DOCK3: variants seen among roughly 807,000 people sequenced by gnomAD.
DOCK3 encodes dedicator of cytokinesis 3.
In DOCK3, 60 loss-of-function variants were observed where a neutral mutation model predicts 265.6. That is an observed-to-expected ratio of 0.23 (90% CI 0.18 to 0.28). The LOEUF is 0.28. Ranked by LOEUF, DOCK3 falls within the 10% of genes least tolerant of loss-of-function variation. DOCK3 has a pLI of 1.00. For synonymous variants in DOCK3, 881 were observed against 938.0 expected (o/e 0.94, Z 1.11); for missense variants, 1,981 against 2,594.3 (o/e 0.76, Z 5.14).
chr3:50,848,935 A>G lies in DOCK3; in HGVS notation c.162+7220A>G, dbSNP rs575310136. ...TCTTTCTTAGGAATGCCAGTAATTT[A>G]TAGATTTGTTTGCTTTACATAATCC... On this transcript the variant is annotated intron_variant, in intron 3 of 52. Coordinates refer to ENST00000266037, the MANE Select transcript of DOCK3 (RefSeq NM_004947.5). Among the ~76,000 whole-genome samples, 13 of 152,266 alleles carry G rather than the reference A, an allele frequency of 8.5e-5. No homozygotes were observed. The South Asian group carries it at 2.5e-3, about 29-fold the overall frequency.
At chr3:51,109,719 A>T (rs944545089) in intron 9 of DOCK3, among the ~76,000 whole-genome samples, 1 of 152,046 alleles carries the variant, frequency 6.6e-6, no homozygotes, top group Non-Finnish European at 1.5e-5. Context: ...GACCACTGGA[A>T]CCTGGGAATT....
chr3:51,342,097 T>A (rs910542771), intron 38 of DOCK3, among the ~76,000 whole-genome samples: 1 of 152,222 alleles, frequency 6.6e-6, no homozygotes, highest in African/African-American at 2.4e-5. Flanking sequence ...TGAAATAGGG[T>A]CATTCATGGA....
At chr3:51,010,407 T>A (rs1304694772) in intron 5 of DOCK3, among the ~76,000 whole-genome samples, 1 of 152,234 alleles carries the variant, frequency 6.6e-6, no homozygotes, top group Non-Finnish European at 1.5e-5. Context: ...TTTGTTGGTT[T>A]AAAGTCTGTT....
At chr3:51,108,124 C>T (rs184773244) in intron 9 of DOCK3, among the ~76,000 whole-genome samples, 97 of 151,902 alleles carry the variant, frequency 6.4e-4, no homozygotes, top group Non-Finnish European at 8.8e-4. Flanking sequence ...CTGCAACCTC[C>T]ACCTCCTGGG....
intron 1 of DOCK3, among the ~76,000 whole-genome samples, chr3:50,729,095 T>C (rs1265266408): frequency 3.9e-4 from 56 of 145,034 alleles, no homozygotes; most frequent in African/African-American, 1.3e-3. Context: ...CCGAGGCAGG[T>C]GGATCACTTG....
At chr3:51,137,387 A>C (rs1202992282) in intron 9 of DOCK3, among the ~76,000 whole-genome samples, 1 of 152,212 alleles carries the variant, frequency 6.6e-6, no homozygotes, top group African/African-American at 2.4e-5. Flanking sequence ...AAATTGAAAA[A>C]GTTGGGAGAA....
chr3:51,060,795 A>C (rs994307827), intron 5 of DOCK3, among the ~76,000 whole-genome samples: 1 of 152,296 alleles, frequency 6.6e-6, no homozygotes, highest in Non-Finnish European at 1.5e-5. Flanking sequence ...TGGTTACTGT[A>C]GCCTTGTAGT....
At chr3:50,973,347 T>G (rs1165999544) in intron 5 of DOCK3, among the ~76,000 whole-genome samples, 1 of 141,600 alleles carries the variant, frequency 7.1e-6, no homozygotes, top group African/African-American at 2.7e-5. Flanking sequence ...GTCCATGTGA[T>G]CTCATTGTTC....
At chr3:51,032,306 T>C (rs1413841521) in intron 5 of DOCK3, among the ~76,000 whole-genome samples, 3 of 152,220 alleles carry the variant, frequency 2.0e-5, no homozygotes, top group Non-Finnish European at 2.9e-5. Context: ...GAATATGATT[T>C]AGTCCCTACA....
intron 12 of DOCK3, among the ~76,000 whole-genome samples, chr3:51,170,408 A>G (rs1372303989): frequency 6.6e-6 from 1 of 151,882 alleles, no homozygotes; most frequent in Non-Finnish European, 1.5e-5. Context: ...GAGATTTTTG[A>G]TTACTGCTTC....
chr3:50,842,907 G>A lies in DOCK3; in HGVS notation c.162+1192G>A, dbSNP rs552265118. Among the ~76,000 whole-genome samples, 12 of 152,220 alleles carry A rather than the reference G, an allele frequency of 7.9e-5. No individual in the cohort carries two copies. The South Asian group carries it at 8.3e-4, about 11-fold the overall frequency. ...GAATAGTTGTAATTTGTGATATTGCGTGCTATTTATTTATTTTAGTAATAT... is the reference window on the plus strand; with the variant it reads ...GAATAGTTGTAATTTGTGATATTGCATGCTATTTATTTATTTTAGTAATAT... On this transcript the variant is annotated intron_variant, in intron 3 of 52. Coordinates refer to ENST00000266037, the MANE Select transcript of DOCK3 (RefSeq NM_004947.5).
At chr3:50,941,897 T>C (rs1296299792) in intron 5 of DOCK3, among the ~76,000 whole-genome samples, 2 of 152,062 alleles carry the variant, frequency 1.3e-5, no homozygotes, top group African/African-American at 4.8e-5. Context: ...AGAGCTAAGG[T>C]TGAGGTCAGA....
chr3:51,378,581 A>G (rs573453986), intron 51 of DOCK3, among the ~76,000 whole-genome samples: 1 of 152,358 alleles, frequency 6.6e-6, no homozygotes, highest in South Asian at 2.1e-4. Flanking sequence ...TCTGCTGCTA[A>G]TAGCCCAAAG....
At chr3:50,785,397 G>C (rs1343819708) in intron 2 of DOCK3, among the ~76,000 whole-genome samples, 2 of 152,158 alleles carry the variant, frequency 1.3e-5, no homozygotes, top group Non-Finnish European at 2.9e-5. Context: ...TCTTGTTCCA[G>C]TTCTCAGGTG....
intron 32 of DOCK3, among the ~76,000 whole-genome samples, chr3:51,320,968 G>A (rs2083686499): frequency 1.3e-5 from 2 of 152,230 alleles, no homozygotes; most frequent in Admixed American, 1.3e-4. Flanking sequence ...CACAGTGTTT[G>A]AGCTCTGCTA....
At chr3:50,707,887 C>G (rs1451030197) in intron 1 of DOCK3, among the ~76,000 whole-genome samples, 1 of 151,512 alleles carries the variant, frequency 6.6e-6, no homozygotes, top group Non-Finnish European at 1.5e-5. Flanking sequence ...CTCCTGGCCC[C>G]CAGGTGGGGT....
chr3:51,187,485 G>T (rs2087676730), intron 12 of DOCK3, among the ~76,000 whole-genome samples: 1 of 152,194 alleles, frequency 6.6e-6, no homozygotes, highest in African/African-American at 2.4e-5. Context: ...AAAATGAGTT[G>T]AGACTTTGGG....
At chr3:50,743,260 C>A (rs1343481522) in intron 1 of DOCK3, among the ~76,000 whole-genome samples, 4 of 151,884 alleles carry the variant, frequency 2.6e-5, no homozygotes, top group Non-Finnish European at 5.9e-5. Context: ...TAAAGACCAT[C>A]GAGGCTAGGA....
intron 5 of DOCK3, among the ~76,000 whole-genome samples, chr3:51,010,890 G>T (rs560154313): frequency 6.6e-6 from 1 of 152,218 alleles, no homozygotes; most frequent in South Asian, 2.1e-4. Flanking sequence ...GCTTAGTTTG[G>T]CTGGATATGA....
Sources: gnomAD v4.1 joint callset for allele counts (sites outside exome capture counted in the v4.1 genomes callset) on GRCh38, gnomAD v4.1.1 for gene constraint, MANE v1.5 for transcripts, NCBI Gene and HGNC (gene_info 2026-07-23, HGNC 2026-07-21) for gene names.